The following PHF2 variants were observed in gnomAD, a reference collection of about 807,000 sequenced individuals.
The protein encoded by PHF2 is lysine-specific demethylase PHF2.
A neutral mutation model predicts 120.5 loss-of-function variants in PHF2; 27 were observed. The observed-to-expected ratio is 0.22, with a 90% CI of 0.17 to 0.31. The LOEUF is 0.31. Ranked by LOEUF, PHF2 falls within the 10% of genes least tolerant of loss-of-function variation. The pLI, the probability that PHF2 is intolerant of heterozygous loss-of-function variation, is 1.00. For missense variants in PHF2, 1,024 were observed against 1,434.8 expected (o/e 0.71, Z 4.63); for synonymous variants, 568 against 592.5 (o/e 0.96, Z 0.60).
Position 93,679,064 on chromosome 9 carries a change from A to C in PHF2, c.*1388A>C. Reference sequence around the variant, plus strand: ...GTATGATGAGGGGATTGGGGGATACAGTTATTTTACTAGCACCTTGTGAAG... The same window carrying C: ...GTATGATGAGGGGATTGGGGGATACCGTTATTTTACTAGCACCTTGTGAAG... On this transcript the variant is annotated 3_prime_UTR_variant, in exon 22 of 22. Transcript: ENST00000359246. 2.8e-6 allele frequency: 1 copy of C among 351,006 alleles called. No individual in the cohort carries two copies. The highest frequency in any genetic ancestry group is 5.5e-6 in the Non-Finnish European group (1 of 180,730). 21.7% of individuals were successfully genotyped at this position (351,006 alleles called of 1,614,324 possible). A position where few individuals can be genotyped will look rare whatever the true frequency, so the allele number is the denominator to read the frequency against.
In PHF2 at chr9:93,662,283, A is replaced by G. The variant is rs139299709; in HGVS notation, c.1699-624A>G. Among the ~76,000 whole-genome samples the G allele has an allele frequency of 5.3e-5, 8 of 151,944 alleles. No individual in the cohort carries two copies. In the East Asian group the frequency reaches 9.8e-4, roughly 19 times the overall value. The stretch of plus-strand genomic sequence containing the variant: ...GATGGATAAATGAATGGATGGGTAG[A>G]TGGATGAATGGGTGGATGATTGAGT... On this transcript the variant is annotated intron_variant, in intron 12 of 21. Transcript: ENST00000359246.
intron 1 of PHF2, among the ~76,000 whole-genome samples, chr9:93,581,597 G>T (rs940587178): frequency 6.6e-6 from 1 of 152,212 alleles, no homozygotes; most frequent in Non-Finnish European, 1.5e-5. Flanking sequence ...CAAAGGAGGT[G>T]TGTCTTGAAG....
Position 93,636,607 on chromosome 9 carries a change from C to G in PHF2, c.299+82C>G, listed in dbSNP as rs1826098489. On this transcript the variant is annotated intron_variant, in intron 3 of 21. Transcript: ENST00000359246. ...CCGTCCCTTGTCCCGCTATCCATTG[C>G]TGGGGGCTTCCTTTGCTATCCTTGC... The G allele has an allele frequency of 3.0e-6, 3 of 1,013,050 alleles. No homozygotes were observed. The African/African-American group carries it at 4.8e-5, about 16-fold the overall frequency. The allele number at this position is 1,013,050 out of a possible 1,614,324, so 62.8% of individuals were successfully genotyped here.
rs376063250 is a variant in PHF2 at position 93,660,262 on chromosome 9, G to A, written c.1400G>A (p.Arg467Gln). ...TCAGATGAGGTGTGTGACGGGGACC[G>A]GGAGAAGGAGGAGCCCCCGTCTCCC... Reference protein sequence around the residue: ...ASSDEVCDGDREKEEPPSPIE... With the variant: ...ASSDEVCDGDQEKEEPPSPIE... The change falls in exon 12 of 22, where the codon CGG becomes CAG. Residue 467 changes from arginine to glutamine, a missense_variant. Coordinates refer to ENST00000359246, the MANE Select transcript of PHF2 (RefSeq NM_005392.4). The A allele has an allele frequency of 2.5e-5, 41 of 1,608,236 alleles. No individual in the cohort carries two copies. The highest frequency in any genetic ancestry group is 3.5e-5 in the Non-Finnish European group (41 of 1,178,318).
At chr9:93,607,031 T>C (rs1825553669) in intron 1 of PHF2, among the ~76,000 whole-genome samples, 1 of 152,262 alleles carries the variant, frequency 6.6e-6, no homozygotes, top group African/African-American at 2.4e-5. Flanking sequence ...TGTTTCTGGC[T>C]CTGTATTCTG....
At chr9:93,635,297 C>T (rs1231163439) in intron 2 of PHF2, among the ~76,000 whole-genome samples, 6 of 140,742 alleles carry the variant, frequency 4.3e-5, no homozygotes, top group Non-Finnish European at 6.3e-5. Flanking sequence ...TCATTAGCTC[C>T]CTTTGTCCCC....
intron 1 of PHF2, among the ~76,000 whole-genome samples, chr9:93,614,970 G>C (rs952021928): frequency 6.6e-6 from 1 of 151,686 alleles, no homozygotes; most frequent in African/African-American, 2.4e-5. Context: ...TGATGATAGT[G>C]ATGACGGTAA....
intron 17 of PHF2, among the ~76,000 whole-genome samples, chr9:93,673,356 C>T (rs1300152883): frequency 2.6e-5 from 4 of 152,058 alleles, no homozygotes; most frequent in African/African-American, 9.7e-5. Context: ...GGCCTCCAGC[C>T]CTCCCTGTGG....
intron 2 of PHF2, among the ~76,000 whole-genome samples, chr9:93,634,659 T>A (rs1826061245): frequency 6.6e-6 from 1 of 152,212 alleles, no homozygotes; most frequent in African/African-American, 2.4e-5. Flanking sequence ...GGCAGATGCA[T>A]CCACCTCTCC....
chr9:93,641,419 G>A (rs1465763634), intron 3 of PHF2, among the ~76,000 whole-genome samples: 1 of 152,214 alleles, frequency 6.6e-6, no homozygotes, highest in Non-Finnish European at 1.5e-5. Context: ...TTCAGGTAAG[G>A]CGATCTCAGC....
rs935798521 is a variant in PHF2, at chr9:93,679,506, C to G, written c.*1830C>G. 1 of 295,790 alleles carries G rather than the reference C, an allele frequency of 3.4e-6. No individual in the cohort carries two copies. Among genetic ancestry groups the G allele is most frequent in the Non-Finnish European group, 6.6e-6 (1 of 151,950 alleles). 18.3% of individuals were successfully genotyped at this position (295,790 alleles called of 1,614,324 possible). ...GTGTTTTATTTCCCAATTCATATTACTCTTGTATCGAGTCCATGAGGTCTA... is the reference window on the plus strand; with the variant it reads ...GTGTTTTATTTCCCAATTCATATTAGTCTTGTATCGAGTCCATGAGGTCTA... On this transcript the variant is annotated 3_prime_UTR_variant, in exon 22 of 22. Coordinates refer to ENST00000359246, the MANE Select transcript of PHF2 (RefSeq NM_005392.4).
chr9:93,677,528 C>A lies in PHF2; in HGVS notation c.3203-60C>A. The A allele has an allele frequency of 1.5e-6, 2 of 1,314,268 alleles. No individual in the cohort carries two copies. The highest frequency in any genetic ancestry group is 2.2e-6 in the Non-Finnish European group (2 of 913,656). 81.4% of individuals were successfully genotyped at this position (1,314,268 alleles called of 1,614,324 possible). On this transcript the variant is annotated intron_variant, in intron 21 of 21. Coordinates refer to ENST00000359246, the MANE Select transcript of PHF2 (RefSeq NM_005392.4). This position sits in a 1 kb window ranked among gnomAD's most constrained non-coding sequence, Gnocchi z 4.4. ...CGGGACCCTCCCCCCCACCGGCATG[C>A]CACGCCCCTTGCCATCTAGCTTACC...
At chr9:93,592,713 A>T (rs1034115419) in intron 1 of PHF2, among the ~76,000 whole-genome samples, 1 of 152,144 alleles carries the variant, frequency 6.6e-6, no homozygotes, top group Non-Finnish European at 1.5e-5. Context: ...CCTGCAGTTC[A>T]TCCGGTGAGC....
intron 1 of PHF2, among the ~76,000 whole-genome samples, chr9:93,603,210 C>A (rs1453642597): frequency 6.6e-6 from 1 of 152,146 alleles, no homozygotes; most frequent in East Asian, 1.9e-4. Flanking sequence ...CAAAGGCCAA[C>A]CTAAACACTT....
At position 93,590,628 on chromosome 9, in the gene PHF2, G is replaced by C. The variant is rs566192988; in HGVS notation, c.98+13757G>C. ...GATTTACAGAAAAGTTGTAAACATGGTACCAAGCATCTCCACATACCCCGG... is the reference window on the plus strand; with the variant it reads ...GATTTACAGAAAAGTTGTAAACATGCTACCAAGCATCTCCACATACCCCGG... On this transcript the variant is annotated intron_variant, in intron 1 of 21. Coordinates refer to ENST00000359246, the MANE Select transcript of PHF2 (RefSeq NM_005392.4). Among the ~76,000 whole-genome samples the C allele has an allele frequency of 2.6e-5, 4 of 152,328 alleles. No individual in the cohort carries two copies. The East Asian group carries it at 7.7e-4, about 29-fold the overall frequency.
At position 93,636,532 on chromosome 9, in the gene PHF2, T is replaced by A. The variant is rs77405940; in HGVS notation, c.299+7T>A. The stretch of plus-strand genomic sequence containing the variant: ...GGAGCCGGACCTTTCCCAGGTGGGC[T>A]GGCCTTCCTGTATGCTCCACCACCT... On this transcript the variant is annotated splice_region_variant and intron_variant, in intron 3 of 21. Coordinates refer to ENST00000359246, the MANE Select transcript of PHF2 (RefSeq NM_005392.4). 9.9e-4 allele frequency: 1,545 copies of A among 1,564,226 alleles called. 5 individuals are homozygous for A. The African/African-American group carries it at 0.013, about 13-fold the overall frequency.
chr9:93,664,304 G>T (rs931589917), intron 14 of PHF2, among the ~76,000 whole-genome samples: 4 of 152,108 alleles, frequency 2.6e-5, no homozygotes, highest in African/African-American at 9.7e-5. Flanking sequence ...GTGTGGGCAT[G>T]CTGGATGAGC....
chr9:93,637,285 TTTA>T (rs1235546953), intron 3 of PHF2, among the ~76,000 whole-genome samples: 3 of 152,252 alleles, frequency 2.0e-5, no homozygotes, highest in African/African-American at 7.2e-5. Flanking sequence ...TCCTGGCTTC[TTTA>T]TTTTTTCTTT....
At chr9:93,626,364 C>T (rs1825915282) in intron 1 of PHF2, among the ~76,000 whole-genome samples, 1 of 152,156 alleles carries the variant, frequency 6.6e-6, no homozygotes, top group African/African-American at 2.4e-5. Flanking sequence ...GCTTGTTGTC[C>T]ATTTGCATAT....
Sources: allele counts gnomAD v4.1 joint callset (sites outside exome capture counted in the v4.1 genomes callset), GRCh38; gene constraint gnomAD v4.1.1; non-coding constraint Gnocchi (gnomAD v3.1); transcripts MANE v1.5; gene names NCBI Gene and HGNC (gene_info 2026-07-23, HGNC 2026-07-21).